The following NPRL3 variants were observed in gnomAD, a reference collection of about 807,000 sequenced individuals.
NPRL3 encodes the protein NPR3 like, GATOR1 complex subunit.
Under a neutral mutation model 57.2 loss-of-function variants are expected in NPRL3, and 23 were observed. The observed-to-expected ratio is 0.40, with a 90% CI of 0.29 to 0.57. The LOEUF (loss-of-function observed/expected upper bound fraction) is 0.57, where lower values mean the gene tolerates loss of function less well. NPRL3 is among the 20% of genes least tolerant of loss of function. The pLI is 0.42. For synonymous variants in NPRL3, 333 were observed against 321.1 expected, an observed-to-expected ratio of 1.04 and a Z score of -0.39; for missense variants, 691 against 767.1, an observed-to-expected ratio of 0.90 and a Z score of 1.17.
intron 11 of NPRL3, 133 bp downstream of exon 11, chr16:92,463 C>A: frequency 8.5e-7 from 1 of 1,176,604 alleles, no homozygotes; most frequent in Middle Eastern, 2.4e-4. Flanking sequence ...AGCACTTGCA[C>A]GGCAAGCCCC....
intron 3 of NPRL3, among the ~76,000 whole-genome samples, chr16:123,083 CCA>C (rs1314028825): frequency 6.6e-6 from 1 of 152,132 alleles, no homozygotes. Flanking sequence ...GGAGAGGCCC[CCA>C]CAAAACCCCT....
At chr16:116,787 A>AGC (rs1900051157) in intron 5 of NPRL3, among the ~76,000 whole-genome samples, 1 of 85,950 alleles carries the variant, frequency 1.2e-5, no homozygotes, top group Admixed American at 1.4e-4. Flanking sequence ...ACATGGCGAG[A>AGC]CCCCCCCCCC....
chr16:135,710 T>G (rs920439165), intron 2 of NPRL3, among the ~76,000 whole-genome samples: 3 of 151,832 alleles, frequency 2.0e-5, no homozygotes, highest in African/African-American at 7.3e-5. Context: ...CGCCTTTCCA[T>G]TTAAAACAAA....
intron 5 of NPRL3, among the ~76,000 whole-genome samples, chr16:114,410 A>G (rs915129556): frequency 6.6e-6 from 1 of 152,240 alleles, no homozygotes; most frequent in African/African-American, 2.4e-5. Context: ...AGTGGCAGGA[A>G]GTTTAAGGCA....
At chr16:119,337 G>T in intron 3 of NPRL3, 82 bp from the exon 4 acceptor site, 2 of 1,410,594 alleles carry the variant, frequency 1.4e-6, no homozygotes, top group Non-Finnish European at 1.9e-6. Flanking sequence ...GAGCGGAAGG[G>T]TCTCAGTAAA....
chr16:127,875 T>C (rs1054573739), intron 3 of NPRL3, among the ~76,000 whole-genome samples: 3 of 151,856 alleles, frequency 2.0e-5, no homozygotes, highest in Non-Finnish European at 4.4e-5. Context: ...AGGATGAGTC[T>C]CGATCTCCTG....
At chr16:122,254 G>A (rs1900315311) in intron 3 of NPRL3, among the ~76,000 whole-genome samples, 2 of 151,954 alleles carry the variant, frequency 1.3e-5, no homozygotes, top group Non-Finnish European at 2.9e-5. Context: ...GTGCCACCAA[G>A]CCCGGCTAAT....
intron 3 of NPRL3, among the ~76,000 whole-genome samples, chr16:128,828 A>G (rs998473395): frequency 6.6e-6 from 1 of 152,032 alleles, no homozygotes; most frequent in African/African-American, 2.4e-5. Flanking sequence ...GCCTTGCTCC[A>G]GGAACATGCT....
At chr16:93,389 GCT>G in intron 9 of NPRL3, 64 bp from the exon 10 acceptor site, 2 of 1,099,572 alleles carry the variant, frequency 1.8e-6, no homozygotes, top group Non-Finnish European at 2.7e-6. Flanking sequence ...GCTGTCAGCA[GCT>G]CTCAGCCTGG....
intron 3 of NPRL3, chr16:126,163 G>GC (rs1222197770): frequency 6.6e-6 from 1 of 151,932 alleles, no homozygotes; most frequent in East Asian, 1.9e-4. Context: ...GATCACTTAA[G>GC]CCCAGGAGTT....
intron 2 of NPRL3, among the ~76,000 whole-genome samples, chr16:131,458 G>C (rs1023638709): frequency 4.1e-5 from 4 of 98,758 alleles, no homozygotes; most frequent in Non-Finnish European, 5.4e-5. Context: ...CAGCCTGGGA[G>C]ACACGGCAAG....
intron 13 of NPRL3, 135 bp from the exon 14 acceptor site, chr16:87,005 GCCACCACAGCCC>G: frequency 1.2e-6 from 1 of 866,426 alleles, no homozygotes; most frequent in Non-Finnish European, 1.7e-6. Flanking sequence ...CAGGGAGGCA[GCCACCACAGCCC>G]CCCAACAAGG....
At chr16:130,265 C>T (rs2141980814) in intron 3 of NPRL3, among the ~76,000 whole-genome samples, 1 of 152,330 alleles carries the variant, frequency 6.6e-6, no homozygotes, top group South Asian at 2.1e-4. Context: ...CTCACGTGGA[C>T]ATGGCCTCAT....
At chr16:89,932 C>G in intron 11 of NPRL3, 30 bp from the exon 12 acceptor site, 1 of 1,530,522 alleles carries the variant, frequency 6.5e-7, no homozygotes. Flanking sequence ...AGGCTGGTCC[C>G]CCTCCCCACT....
chr16:112,027 T>C (rs531375009), intron 6 of NPRL3, among the ~76,000 whole-genome samples: 58 of 152,368 alleles, frequency 3.8e-4, no homozygotes, highest in South Asian at 6.2e-4. Flanking sequence ...AATTGGTTAG[T>C]TGATAACCCA....
At chr16:98,358 A>G (rs1299244214) in intron 8 of NPRL3, 57 bp from the exon 9 acceptor site, 1 of 1,569,748 alleles carries the variant, frequency 6.4e-7, no homozygotes, top group Non-Finnish European at 8.7e-7. Flanking sequence ...TGCACCGGGT[A>G]TGCACCAGGT....
At chr16:123,777 GTCACACACTCCCCACGCTGAGAAACAGGA>G (rs1900384126) in intron 3 of NPRL3, among the ~76,000 whole-genome samples, 1 of 100,588 alleles carries the variant, frequency 9.9e-6, no homozygotes, top group Non-Finnish European at 2.0e-5. Flanking sequence ...GAGAAACAGG[GTCACACACTCCCCACGCTGAGAAACAGGA>G]TCACACACTC....
chr16:111,984 C>T (rs1166793204), intron 6 of NPRL3, among the ~76,000 whole-genome samples: 1 of 152,178 alleles, frequency 6.6e-6, no homozygotes, highest in Non-Finnish European at 1.5e-5. Context: ...CCAAAAAACA[C>T]TCAATGTTCT....
intron 9 of NPRL3, among the ~76,000 whole-genome samples, chr16:95,364 C>T (rs1161114323): frequency 1.4e-4 from 21 of 146,154 alleles, no homozygotes; most frequent in Non-Finnish European, 2.1e-4. Context: ...CACACACACA[C>T]ACACACACAC....
Sources: gnomAD v4.1 joint callset for allele counts (sites outside exome capture counted in the v4.1 genomes callset) on GRCh38, gnomAD v4.1.1 for gene constraint, MANE v1.5 for transcripts, NCBI Gene and HGNC (gene_info 2026-07-23, HGNC 2026-07-21) for gene names.